Variants in PHF6 observed in about 807,000 individuals in gnomAD.
PHF6 encodes PHD finger protein 6.
A neutral mutation model predicts 34.0 loss-of-function variants in PHF6; 7 were observed. The ratio of observed to expected loss-of-function variants is 0.21; its 90% CI spans 0.12 to 0.39. The LOEUF is 0.39. Ranked by LOEUF, PHF6 falls within the 10% of genes least tolerant of loss-of-function variation. The pLI is 1.00. For missense variants in PHF6, 128 were observed against 262.8 expected (o/e 0.49, Z 3.55); for synonymous variants, 89 against 88.4 (o/e 1.01, Z -0.04).
intron 5 of PHF6, among the ~76,000 whole-genome samples, chrX:134,394,528 G>GT (rs1320850276): frequency 9.2e-6 from 1 of 108,728 alleles, no homozygotes; most frequent in Non-Finnish European, 1.9e-5. Flanking sequence ...GTGGCTGCGT[G>GT]TTTCATTTCT....
At chrX:134,408,085 A>T (rs1344605903) in intron 5 of PHF6, among the ~76,000 whole-genome samples, 1 of 110,729 alleles carries the variant, frequency 9.0e-6, no homozygotes, top group Non-Finnish European at 1.9e-5. Flanking sequence ...GTACCACCAC[A>T]CCCGGCTAAT....
At chrX:134,390,070 A>G (rs1390383233) in intron 3 of PHF6, among the ~76,000 whole-genome samples, 1 of 111,949 alleles carries the variant, frequency 8.9e-6, no homozygotes, top group Non-Finnish European at 1.9e-5. Flanking sequence ...AACAGTATAT[A>G]TCTTGAGTCC....
At chrX:134,379,478 C>T (rs2077296335) in intron 3 of PHF6, among the ~76,000 whole-genome samples, 1 of 78,414 alleles carries the variant, frequency 1.3e-5, no homozygotes, top group Admixed American at 2.0e-4. Context: ...GTTTCACTCT[C>T]GTTGCCCAGG....
In PHF6 at chrX:134,412,757, G is replaced by GT. The variant is rs746777618; in HGVS notation, c.419-733dup. ...AGAAATGCAGTTCTCAAATTTCTGC[G>GT]TAAGTTTTGCTTAATTCATTAAAGC... On this transcript the variant is annotated intron_variant, in intron 5 of 10. Coordinates refer to ENST00000370803, the MANE Select transcript of PHF6 (RefSeq NM_001015877.2). Among the ~76,000 whole-genome samples, 9 of 112,232 alleles carry GT rather than the reference G, an allele frequency of 8.0e-5. No homozygotes were observed. In the South Asian group the frequency reaches 3.3e-3, roughly 41 times the overall value.
At chrX:134,418,329 G>T (rs73573276) in intron 9 of PHF6, 1 of 111,877 alleles carries the variant, frequency 8.9e-6, no homozygotes, top group Non-Finnish European at 1.9e-5. Context: ...GGGATTGGGG[G>T]TCACCCTCTT....
At chrX:134,404,070 G>A (rs893530073) in intron 5 of PHF6, among the ~76,000 whole-genome samples, 1 of 111,496 alleles carries the variant, frequency 9.0e-6, no homozygotes, top group Non-Finnish European at 1.9e-5. Flanking sequence ...GGACTTTCAA[G>A]TCTTATTATT....
At chrX:134,420,158 A>T (rs1423277378) in intron 9 of PHF6, 1 of 110,542 alleles carries the variant, frequency 9.0e-6, no homozygotes, top group Non-Finnish European at 1.9e-5. Flanking sequence ...AATTTAAAAA[A>T]TAAAAGAAGG....
At chrX:134,394,454 CTT>C (rs1201953959) in intron 5 of PHF6, among the ~76,000 whole-genome samples, 1 of 109,262 alleles carries the variant, frequency 9.2e-6, no homozygotes, top group Non-Finnish European at 1.9e-5. Flanking sequence ...TTTAAGAAAA[CTT>C]TTACCCCAAA....
intron 5 of PHF6, among the ~76,000 whole-genome samples, chrX:134,397,484 A>G (rs1465107716): frequency 9.0e-6 from 1 of 111,702 alleles, no homozygotes; most frequent in East Asian, 2.8e-4. Flanking sequence ...CCCCGTCTCT[A>G]CTAAAAATAC....
intron 9 of PHF6, among the ~76,000 whole-genome samples, chrX:134,420,933 A>G (rs1465804632): frequency 9.0e-6 from 1 of 111,429 alleles, no homozygotes; most frequent in African/African-American, 3.3e-5. Context: ...GAGTGGTGAA[A>G]TATATTATGT....
Position 134,411,016 on chromosome X carries a change from G to A in PHF6, c.419-2475G>A, listed in dbSNP as rs761633427. ...CACCCAGGCTGGAGTGCAGTGGCGCGATCTGGGCTTACTGCAAGCTCCGCC... is the reference window on the plus strand; with the variant it reads ...CACCCAGGCTGGAGTGCAGTGGCGCAATCTGGGCTTACTGCAAGCTCCGCC... On this transcript the variant is annotated intron_variant, in intron 5 of 10. Transcript: ENST00000370803. 5.1e-3 allele frequency among the ~76,000 whole-genome samples: 540 copies of A among 105,902 alleles called. 2 individuals are homozygous for A. Among genetic ancestry groups the A allele is most frequent in the African/African-American group, 0.018 (514 of 28,874 alleles). 92.0% of individuals were successfully genotyped at this position (105,902 alleles called of 115,157 possible).
chrX:134,423,729 A>C (rs933356842), intron 9 of PHF6, among the ~76,000 whole-genome samples: 1 of 111,919 alleles, frequency 8.9e-6, no homozygotes, highest in Non-Finnish European at 1.9e-5. Context: ...CTACTCAAAT[A>C]TTAGACCTAG....
At chrX:134,396,286 C>T (rs961829822) in intron 5 of PHF6, among the ~76,000 whole-genome samples, 2 of 111,455 alleles carry the variant, frequency 1.8e-5, no homozygotes, top group Admixed American at 9.6e-5. Flanking sequence ...TATGAGCACA[C>T]TGAGACAGGA....
At chrX:134,422,888 T>C (rs1391447694) in intron 9 of PHF6, among the ~76,000 whole-genome samples, 1 of 111,651 alleles carries the variant, frequency 9.0e-6, no homozygotes, top group Admixed American at 9.6e-5. Context: ...AATTAAAAGT[T>C]GCTCCAACAA....
chrX:134,374,788 A>G (rs1046561462), intron 1 of PHF6, among the ~76,000 whole-genome samples: 3 of 111,926 alleles, frequency 2.7e-5, no homozygotes, highest in Non-Finnish European at 3.8e-5. Flanking sequence ...TTTTCCAGGC[A>G]TTTAAATTAT....
chrX:134,382,899 A>G (rs193264675), intron 3 of PHF6, among the ~76,000 whole-genome samples: 2 of 110,278 alleles, frequency 1.8e-5, no homozygotes, highest in African/African-American at 3.3e-5. Flanking sequence ...TCAGAAGGCC[A>G]TTTAGTTCAC....
At position 134,427,634 on chromosome X, in the gene PHF6, T is replaced by G. The variant is rs1345814686; in HGVS notation, c.*1974T>G. ...GACTTTGTATGGGTTTCTTCAGCCC[T>G]TTTTCTGCCACTAGCAACCAGAATA... On this transcript the variant is annotated 3_prime_UTR_variant, in exon 11 of 11. Transcript: ENST00000370803. The G allele has an allele frequency of 3.8e-5, 6 of 158,974 alleles. No homozygotes were observed. The highest frequency in any genetic ancestry group is 4.9e-5 in the Non-Finnish European group (4 of 81,761). The allele number at this position is 158,974 out of a possible 1,213,427, so 13.1% of individuals were successfully genotyped here.
chrX:134,404,140 G>A (rs779016749), intron 5 of PHF6, among the ~76,000 whole-genome samples: 6 of 112,178 alleles, frequency 5.3e-5, no homozygotes, highest in Non-Finnish European at 9.4e-5. Context: ...TGATGAATCT[G>A]GGCAAGGTAA....
intron 3 of PHF6, among the ~76,000 whole-genome samples, chrX:134,380,613 A>G (rs922041830): frequency 1.8e-5 from 2 of 111,559 alleles, no homozygotes; most frequent in African/African-American, 6.5e-5. Context: ...TTGAGAACAC[A>G]AGCTTTAGTG....
Sources: gnomAD v4.1 joint callset for allele counts (sites outside exome capture counted in the v4.1 genomes callset) on GRCh38, gnomAD v4.1.1 for gene constraint, MANE v1.5 for transcripts, NCBI Gene and HGNC (gene_info 2026-07-23, HGNC 2026-07-21) for gene names.